CTNNA2: variants seen among roughly 807,000 people sequenced by gnomAD.
CTNNA2 encodes catenin alpha 2, also known as catenin alpha-2.
Under a neutral mutation model 101.0 loss-of-function variants are expected in CTNNA2, and 42 were observed. The observed-to-expected ratio is 0.42, with a 90% confidence interval of 0.32 to 0.54. CTNNA2 has a LOEUF of 0.54. Among genes scored for constraint, CTNNA2 ranks in the 20% least tolerant of loss-of-function variants. The pLI, the probability that CTNNA2 is intolerant of heterozygous loss-of-function variation, is 0.14. For synonymous variants in CTNNA2, 450 were observed against 456.4 expected (o/e 0.99, Z 0.18); for missense variants, 871 against 1,223.1 (o/e 0.71, Z 4.29).
intron 2 of CTNNA2, among the ~76,000 whole-genome samples, chr2:79,279,874 C>A (rs1333946212): frequency 5.3e-5 from 8 of 152,038 alleles, no homozygotes; most frequent in Non-Finnish European, 1.2e-4. Context: ...TAGCCCATCT[C>A]CCCAGAACAT....
intron 7 of CTNNA2, among the ~76,000 whole-genome samples, chr2:80,091,550 G>A (rs191169296): frequency 2.1e-4 from 32 of 152,132 alleles, no homozygotes; most frequent in Admixed American, 7.9e-4. Flanking sequence ...GATACTCTCC[G>A]CCTGCAGTCT....
intron 2 of CTNNA2, among the ~76,000 whole-genome samples, chr2:79,209,995 T>C (rs1447868660): frequency 6.6e-6 from 1 of 151,498 alleles, no homozygotes; most frequent in East Asian, 1.9e-4. Context: ...GGCGGGGGTA[T>C]TGGAAATTAA....
chr2:79,485,009 C>A (rs1427355712), intron 4 of CTNNA2, among the ~76,000 whole-genome samples: 1 of 152,068 alleles, frequency 6.6e-6, no homozygotes, highest in Non-Finnish European at 1.5e-5. Context: ...ATAGAAAGAG[C>A]TAGAAATAAA....
At chr2:80,417,941 C>T (rs911795749) in intron 8 of CTNNA2, among the ~76,000 whole-genome samples, 3 of 152,238 alleles carry the variant, frequency 2.0e-5, no homozygotes, top group Non-Finnish European at 4.4e-5. Context: ...GCTCTCACTT[C>T]TGTTATTTTT....
chr2:80,083,097 C>T (rs1297832636), intron 7 of CTNNA2, among the ~76,000 whole-genome samples: 1 of 152,088 alleles, frequency 6.6e-6, no homozygotes, highest in African/African-American at 2.4e-5. Context: ...GTGGGAAATA[C>T]CCCTGGAACC....
intron 7 of CTNNA2, among the ~76,000 whole-genome samples, chr2:79,961,763 G>T (rs538764292): frequency 6.6e-6 from 1 of 150,968 alleles, no homozygotes; most frequent in African/African-American, 2.4e-5. Context: ...CAGAGCCTGC[G>T]GTGAGCCGAG....
chr2:80,448,037 C>T (rs1390043892), intron 9 of CTNNA2, among the ~76,000 whole-genome samples: 1 of 152,144 alleles, frequency 6.6e-6, no homozygotes, highest in Non-Finnish European at 1.5e-5. Context: ...CAAATCAGAG[C>T]CTTTATTACT....
At chr2:79,346,126 G>C (rs1426357949) in intron 3 of CTNNA2, among the ~76,000 whole-genome samples, 1 of 152,116 alleles carries the variant, frequency 6.6e-6, no homozygotes, top group Non-Finnish European at 1.5e-5. Flanking sequence ...TAAAGTGACA[G>C]TAGACTGTCT....
At chr2:79,265,142 C>T (rs977333996) in intron 2 of CTNNA2, among the ~76,000 whole-genome samples, 19 of 152,204 alleles carry the variant, frequency 1.2e-4, no homozygotes, top group Admixed American at 7.9e-4. Context: ...CAATTTTACT[C>T]ATTCGGTTCT....
chr2:79,811,087 C>G (rs1311402867), intron 3 of CTNNA2, among the ~76,000 whole-genome samples: 2 of 150,418 alleles, frequency 1.3e-5, no homozygotes, highest in East Asian at 3.9e-4. Flanking sequence ...GTTCTAGATC[C>G]CTGAGGGATC....
At chr2:79,524,459 C>T (rs72921165) in intron 1 of CTNNA2, among the ~76,000 whole-genome samples, 29,636 of 151,328 alleles carry the variant, frequency 0.2, 3,251 homozygotes, top group African/African-American at 0.29. Flanking sequence ...TCCAAAAAAA[C>T]GTGCCCTTGT....
chr2:80,192,056 A>G (rs1205449555), intron 7 of CTNNA2, among the ~76,000 whole-genome samples: 2 of 152,216 alleles, frequency 1.3e-5, no homozygotes, highest in Non-Finnish European at 2.9e-5. Flanking sequence ...AAAATTATAC[A>G]TTGAAAATAT....
chr2:80,067,289 C>T (rs1698050536), intron 7 of CTNNA2, among the ~76,000 whole-genome samples: 1 of 151,950 alleles, frequency 6.6e-6, no homozygotes, highest in South Asian at 2.1e-4. Context: ...TTAATTTAGC[C>T]ATTCCACAAT....
intron 7 of CTNNA2, among the ~76,000 whole-genome samples, chr2:80,030,748 A>G (rs947578846): frequency 6.6e-6 from 1 of 152,240 alleles, no homozygotes; most frequent in Non-Finnish European, 1.5e-5. Context: ...AATCATTTAT[A>G]GGATATGTAA....
At chr2:79,644,432 C>T (rs1425559454) in intron 1 of CTNNA2, among the ~76,000 whole-genome samples, 1 of 152,166 alleles carries the variant, frequency 6.6e-6, no homozygotes, top group East Asian at 1.9e-4. Context: ...CGATTGGTAA[C>T]CTTAATCACA....
intron 1 of CTNNA2, among the ~76,000 whole-genome samples, chr2:79,520,131 T>G (rs1672025312): frequency 6.6e-6 from 1 of 152,210 alleles, no homozygotes; most frequent in African/African-American, 2.4e-5. Flanking sequence ...GGGCATATGT[T>G]TTATACAATA....
At position 79,915,292 on chromosome 2, in the gene CTNNA2, TACACACACACACAAACACACACAC is replaced by T. The variant is rs1235416178; in HGVS notation, c.1056+5509_1056+5532del. 3.1e-3 allele frequency among the ~76,000 whole-genome samples: 340 copies of T among 109,694 alleles called. 2 individuals carry two copies. The highest frequency in any genetic ancestry group is 0.013 in the African/African-American group (322 of 24,580). 72.0% of individuals were successfully genotyped at this position (109,694 alleles called of 152,430 possible). On this transcript the variant is annotated intron_variant, in intron 7 of 18. Coordinates refer to ENST00000402739, the MANE Select transcript of CTNNA2 (RefSeq NM_001282597.3). ...TCTGAGCATATAGGAGTGGTATATTTACACACACACACAAACACACACACACACACACACACACATTACACTTTG... is the reference window on the plus strand; with the variant it reads ...TCTGAGCATATAGGAGTGGTATATTTACACACACACACACATTACACTTTG...
intron 7 of CTNNA2, among the ~76,000 whole-genome samples, chr2:80,023,423 C>G (rs1255922593): frequency 6.6e-6 from 1 of 152,028 alleles, no homozygotes; most frequent in Non-Finnish European, 1.5e-5. Flanking sequence ...TTCTACTGAC[C>G]AAGGGGCCAG....
intron 7 of CTNNA2, among the ~76,000 whole-genome samples, chr2:80,248,361 G>A (rs1671498199): frequency 6.6e-6 from 1 of 152,134 alleles, no homozygotes; most frequent in Admixed American, 6.5e-5. Flanking sequence ...TCCTGCCAGA[G>A]GAAATTAAGA....
Sources: allele counts gnomAD v4.1 joint callset (sites outside exome capture counted in the v4.1 genomes callset), GRCh38; gene constraint gnomAD v4.1.1; transcripts MANE v1.5; gene names NCBI Gene and HGNC (gene_info 2026-07-23, HGNC 2026-07-21).